The following ADAM20 variants were observed in gnomAD, a reference collection of about 807,000 sequenced individuals.
ADAM20 encodes disintegrin and metalloproteinase domain-containing protein 20.
For synonymous variants in ADAM20, 305 were observed against 310.2 expected, an observed-to-expected ratio of 0.98 and a Z score of 0.18; for missense variants, 871 against 883.2, an observed-to-expected ratio of 0.99 and a Z score of 0.18.
intron 1 of ADAM20, among the ~76,000 whole-genome samples, chr14:70,529,617 G>A (rs533750770): frequency 6.6e-6 from 1 of 152,290 alleles, no homozygotes; most frequent in South Asian, 2.1e-4. Flanking sequence ...ACAATGGTAA[G>A]TATTTGTGTA....
the ADAM20 span, among the ~76,000 whole-genome samples, chr14:70,569,852 A>G: frequency 7.1e-6 from 1 of 140,960 alleles, no homozygotes; most frequent in African/African-American, 2.7e-5. Flanking sequence ...CCCCACTGAC[A>G]GCATTAGACA....
intron 1 of ADAM20, 103 bp downstream of exon 1, chr14:70,534,694 G>A (rs1271383022): frequency 2.0e-5 from 3 of 152,060 alleles, no homozygotes; most frequent in Admixed American, 6.6e-5. Flanking sequence ...CTGTTCAATG[G>A]ATATATAATT....
At chr14:70,576,564 A>G in the ADAM20 span, among the ~76,000 whole-genome samples, 2 of 152,190 alleles carry the variant, frequency 1.3e-5, no homozygotes, top group African/African-American at 4.8e-5. Context: ...TCATTCATTC[A>G]TGTACTCAAT....
the ADAM20 span, among the ~76,000 whole-genome samples, chr14:70,570,891 T>C: frequency 6.6e-5 from 10 of 152,154 alleles, no homozygotes; most frequent in Non-Finnish European, 1.2e-4. Flanking sequence ...TTCAACATCA[T>C]ATCAACCAGA....
chr14:70,561,381 G>T, the ADAM20 span, among the ~76,000 whole-genome samples: 1 of 152,228 alleles, frequency 6.6e-6, no homozygotes, highest in Non-Finnish European at 1.5e-5. Flanking sequence ...ATTGGAACTT[G>T]TATTTAAAAG....
chr14:70,578,338 T>C, the ADAM20 span, among the ~76,000 whole-genome samples: 1 of 152,086 alleles, frequency 6.6e-6, no homozygotes, highest in Non-Finnish European at 1.5e-5. Flanking sequence ...ATACAAAAAC[T>C]ACCTCAGGAT....
chr14:70,539,910 G>A (rs1395224059), upstream of ADAM20, among the ~76,000 whole-genome samples: 3 of 152,096 alleles, frequency 2.0e-5, no homozygotes, highest in South Asian at 4.1e-4. Context: ...ACCAGAAGGC[G>A]GTGACCCCCC....
intron 1 of ADAM20, among the ~76,000 whole-genome samples, chr14:70,525,203 T>C (rs566468876): frequency 1.3e-5 from 2 of 152,234 alleles, no homozygotes; most frequent in East Asian, 3.9e-4. Flanking sequence ...TTTTAATGTA[T>C]GTATTTCTTT....
the ADAM20 span, among the ~76,000 whole-genome samples, chr14:70,573,531 C>G: frequency 6.6e-6 from 1 of 152,154 alleles, no homozygotes; most frequent in Admixed American, 6.5e-5. Flanking sequence ...CCTAGGATTA[C>G]CCAATACACC....
At position 70,523,929 on chromosome 14, in the gene ADAM20, C is replaced by A; in HGVS notation, c.829G>T (p.Glu277Ter). The change falls in exon 2 of 2, where the codon GAG becomes TAG. Residue 277 changes from glutamate (E) to a stop codon, truncating the protein, a stop_gained. Transcript: ENST00000256389. LOFTEE classifies it low-confidence loss of function (END_TRUNC). The stretch of plus-strand genomic sequence containing the variant: ...TAATTCTTCCAAATAGAAAAGTCCT[C>A]TAAAACATTATCTAGGTCTCCACTG... ...PTSGDLDNVL[E>*]DFSIWKNYNL... The A allele has an allele frequency of 6.2e-7, 1 of 1,614,006 alleles. No individual in the cohort carries two copies. Among genetic ancestry groups the A allele is most frequent in the Middle Eastern group, 1.7e-4 (1 of 6,058 alleles).
At chr14:70,558,697 A>G in the ADAM20 span, among the ~76,000 whole-genome samples, 1 of 152,206 alleles carries the variant, frequency 6.6e-6, no homozygotes, top group Non-Finnish European at 1.5e-5. Flanking sequence ...AATAAATAAA[A>G]TATACAAATA....
At chr14:70,568,538 G>GA in the ADAM20 span, among the ~76,000 whole-genome samples, 5 of 152,120 alleles carry the variant, frequency 3.3e-5, no homozygotes, top group Non-Finnish European at 1.5e-5. Flanking sequence ...TAACCAAACT[G>GA]AAAAATTTGA....
chr14:70,563,672 T>C, the ADAM20 span, among the ~76,000 whole-genome samples: 4 of 151,618 alleles, frequency 2.6e-5, no homozygotes, highest in South Asian at 8.4e-4. Flanking sequence ...GTGAGTGTAT[T>C]CTCCCAAGAC....
chr14:70,531,558 A>C (rs1262240400), intron 1 of ADAM20, among the ~76,000 whole-genome samples: 2 of 152,166 alleles, frequency 1.3e-5, no homozygotes, highest in Non-Finnish European at 2.9e-5. Flanking sequence ...AGAAAGGAAG[A>C]AGTAAAATGA....
the ADAM20 span, among the ~76,000 whole-genome samples, chr14:70,541,006 T>C: frequency 1.3e-5 from 2 of 152,092 alleles, no homozygotes; most frequent in African/African-American, 4.8e-5. Context: ...TTGGCCAGGA[T>C]AGTCTCGATC....
At chr14:70,570,721 G>C in the ADAM20 span, among the ~76,000 whole-genome samples, 1 of 151,482 alleles carries the variant, frequency 6.6e-6, no homozygotes, top group South Asian at 2.1e-4. Context: ...TACTGAAACT[G>C]TTATAGGAAA....
chr14:70,540,481 T>C, the ADAM20 span, among the ~76,000 whole-genome samples: 8 of 152,228 alleles, frequency 5.3e-5, no homozygotes, highest in African/African-American at 1.4e-4. Context: ...TGCCACCATA[T>C]ATTTTTATTT....
At chr14:70,525,770 TC>T (rs201477099) in intron 1 of ADAM20, among the ~76,000 whole-genome samples, 1,634 of 152,212 alleles carry the variant, frequency 0.011, 17 homozygotes, top group African/African-American at 0.037. Flanking sequence ...TTGAGAAACC[TC>T]CTCCAATCAA....
chr14:70,538,433 C>T (rs1019396365), upstream of ADAM20, among the ~76,000 whole-genome samples: 1 of 152,166 alleles, frequency 6.6e-6, no homozygotes, highest in African/African-American at 2.4e-5. Context: ...CACCCTCACC[C>T]CGATGAAAAA....
Sources: allele counts gnomAD v4.1 joint callset (sites outside exome capture counted in the v4.1 genomes callset), GRCh38; gene constraint gnomAD v4.1.1; transcripts MANE v1.5; gene names NCBI Gene and HGNC (gene_info 2026-07-23, HGNC 2026-07-21).